The following KYNU variants were observed in gnomAD, a reference collection of about 807,000 sequenced individuals.
KYNU encodes kynureninase.
In KYNU, 54 loss-of-function variants were observed where a neutral mutation model predicts 59.2. The ratio of observed to expected loss-of-function variants is 0.91; its 90% confidence interval spans 0.73 to 1.14. The LOEUF is 1.14. Among genes scored for constraint, KYNU ranks in the 50% most tolerant of loss-of-function variants. KYNU has a pLI of 0.00. For missense variants in KYNU, 567 were observed against 554.4 expected, an observed-to-expected ratio of 1.02 and a Z score of -0.23; for synonymous variants, 177 against 192.0, an observed-to-expected ratio of 0.92 and a Z score of 0.65.
intron 10 of KYNU, among the ~76,000 whole-genome samples, chr2:142,993,197 A>G (rs1249146482): frequency 6.7e-6 from 1 of 149,652 alleles, no homozygotes; most frequent in Non-Finnish European, 1.5e-5. Context: ...TTAAGGGGAT[A>G]TAAAAAAGAA....
intron 8 of KYNU, among the ~76,000 whole-genome samples, chr2:142,970,425 AG>A (rs1255876946): frequency 2.0e-4 from 30 of 152,336 alleles, no homozygotes; most frequent in Non-Finnish European, 4.0e-4. Flanking sequence ...GTTGAGGAAT[AG>A]GCCATTCATG....
Position 143,048,828 on chromosome 2 carries a change from C to G in KYNU, c.*6656C>G. ...ATCTCATGCCAGTCAGAATGGCAATCATTAAAAAGTCAGGAAACAATAGAT... is the reference window on the plus strand; with the variant it reads ...ATCTCATGCCAGTCAGAATGGCAATGATTAAAAAGTCAGGAAACAATAGAT... On this transcript the variant is annotated 3_prime_UTR_variant, in exon 14 of 14. Transcript: ENST00000264170. 6.6e-6 allele frequency: 1 copy of G among 152,084 alleles called. No individual in the cohort carries two copies. Among genetic ancestry groups the G allele is most frequent in the Non-Finnish European group, 1.5e-5 (1 of 68,024 alleles). 9.4% of individuals were successfully genotyped at this position (152,084 alleles called of 1,614,324 possible).
chr2:142,957,969 G>GTTAATA (rs1390501917), intron 7 of KYNU: 5 of 390,810 alleles, frequency 1.3e-5, no homozygotes, highest in Admixed American at 1.3e-4. Context: ...ACTGGATTCT[G>GTTAATA]CCATATTCTT....
At chr2:142,984,852 C>A (rs1685154216) in intron 8 of KYNU, among the ~76,000 whole-genome samples, 1 of 151,898 alleles carries the variant, frequency 6.6e-6, no homozygotes, top group Non-Finnish European at 1.5e-5. Context: ...ATGCAAGTGT[C>A]AATTCAGCAA....
Position 143,040,099 on chromosome 2 carries a change from G to A in KYNU, c.1042-329G>A, listed in dbSNP as rs192297549. On this transcript the variant is annotated intron_variant, in intron 12 of 13. Coordinates refer to ENST00000264170, the MANE Select transcript of KYNU (RefSeq NM_003937.3). ...TTTTTAATATTTAATGTAACCACTC[G>A]GTCAGTACTGAAACAGTTGTGATGG... 1.2e-3 allele frequency among the ~76,000 whole-genome samples: 188 copies of A among 152,048 alleles called. 2 individuals are homozygous for A. In the South Asian group the frequency reaches 0.017, roughly 14 times the overall value.
rs16858206 is a variant in KYNU, at chr2:142,889,891, A to G, written c.169+4355A>G. Reference sequence around the variant, plus strand: ...TCCCAATATGAGATTTTTTTTTTTAATCTTGAAGAAAGTCTACAGGCATAG... The same window carrying G: ...TCCCAATATGAGATTTTTTTTTTTAGTCTTGAAGAAAGTCTACAGGCATAG... On this transcript the variant is annotated intron_variant, in intron 2 of 13. Coordinates refer to ENST00000264170, the MANE Select transcript of KYNU (RefSeq NM_003937.3). Among the ~76,000 whole-genome samples, 809 of 151,984 alleles carry G rather than the reference A, an allele frequency of 5.3e-3. 10 individuals carry two copies. Among genetic ancestry groups the G allele is most frequent in the African/African-American group, 0.019 (768 of 41,502 alleles).
intron 8 of KYNU, chr2:142,967,239 G>T (rs983415251): frequency 1.8e-4 from 28 of 152,250 alleles, no homozygotes; most frequent in African/African-American, 6.7e-4. Context: ...ATGAATGAAT[G>T]ATTCCCTTAA....
At chr2:142,948,007 A>G (rs549321238) in intron 4 of KYNU, 1 of 152,276 alleles carries the variant, frequency 6.6e-6, no homozygotes, top group East Asian at 1.9e-4. Flanking sequence ...TATTTTCTCA[A>G]TTGAAATGAC....
chr2:142,939,602 C>CAAAAAAAAAAAAAAA (rs71301737), intron 4 of KYNU, among the ~76,000 whole-genome samples: 27 of 65,048 alleles, frequency 4.2e-4, no homozygotes, highest in Non-Finnish European at 4.9e-4. Context: ...CTCCATCTCA[C>CAAAAAAAAAAAAAAA]AAAAAAAAAA....
chr2:142,934,326 G>T (rs1045215852), intron 4 of KYNU, among the ~76,000 whole-genome samples: 1 of 152,068 alleles, frequency 6.6e-6, no homozygotes, highest in Non-Finnish European at 1.5e-5. Flanking sequence ...TACGGATGGG[G>T]GATAAGGAAA....
intron 4 of KYNU, among the ~76,000 whole-genome samples, chr2:142,949,995 G>A (rs1302795035): frequency 2.0e-5 from 3 of 152,088 alleles, no homozygotes; most frequent in Non-Finnish European, 4.4e-5. Flanking sequence ...TCCCTCTCAA[G>A]TTCAAAGTTC....
chr2:143,023,756 T>G (rs1009665017), intron 10 of KYNU, among the ~76,000 whole-genome samples: 24 of 151,592 alleles, frequency 1.6e-4, no homozygotes, highest in African/African-American at 5.8e-4. Context: ...AAAGAAAAAT[T>G]TAAAACCTTA....
At chr2:142,927,611 A>G (rs1328530835) in intron 3 of KYNU, 48 bp from the exon 4 acceptor site, 1 of 1,272,350 alleles carries the variant, frequency 7.9e-7, no homozygotes, top group East Asian at 2.3e-5. Flanking sequence ...ATAATCACAC[A>G]CATGCACATA....
chr2:142,912,210 C>A (rs887070965), intron 2 of KYNU, among the ~76,000 whole-genome samples: 1 of 151,958 alleles, frequency 6.6e-6, no homozygotes, highest in Non-Finnish European at 1.5e-5. Context: ...GATTTTATGA[C>A]TGATTCAAGT....
At chr2:142,932,583 C>T (rs1187307832) in intron 4 of KYNU, among the ~76,000 whole-genome samples, 8 of 151,978 alleles carry the variant, frequency 5.3e-5, no homozygotes. Context: ...TAGGAAACCC[C>T]GTTTTTTCCA....
rs61229238 is a variant in KYNU, at chr2:143,047,852, C to CTTTTTTTTTTTTTTTTTTTTTT, written c.*5685_*5706dup. Reference sequence around the variant, plus strand: ...GGCATAAGCTGCCACTCCTGGACCTCTTTTTTTTTTTTTTTTTTTTTTTTT... The same window carrying CTTTTTTTTTTTTTTTTTTTTTT: ...GGCATAAGCTGCCACTCCTGGACCTCTTTTTTTTTTTTTTTTTTTTTTTTTTTTTTTTTTTTTTTTTTTTTTT... On this transcript the variant is annotated 3_prime_UTR_variant, in exon 14 of 14. Transcript: ENST00000264170. 13 of 100,336 alleles carry CTTTTTTTTTTTTTTTTTTTTTT rather than the reference C, an allele frequency of 1.3e-4. 6 individuals are homozygous for CTTTTTTTTTTTTTTTTTTTTTT. Among genetic ancestry groups the CTTTTTTTTTTTTTTTTTTTTTT allele is most frequent in the South Asian group, 6.4e-4 (2 of 3,136 alleles). 6.2% of individuals were successfully genotyped at this position (100,336 alleles called of 1,614,324 possible). A position where few individuals can be genotyped will look rare whatever the true frequency, so the allele number is the denominator to read the frequency against.
chr2:143,037,787 C>T (rs1037063488), intron 12 of KYNU, among the ~76,000 whole-genome samples: 3 of 151,840 alleles, frequency 2.0e-5, no homozygotes, highest in Admixed American at 6.6e-5. Flanking sequence ...TTATGAGAAG[C>T]AAAAAAGAAA....
chr2:142,892,181 G>A (rs1054876772), intron 2 of KYNU, among the ~76,000 whole-genome samples: 5 of 152,224 alleles, frequency 3.3e-5, no homozygotes, highest in Non-Finnish European at 7.3e-5. Flanking sequence ...CCAAAGTGTT[G>A]GGATTACAGG....
chr2:143,020,940 C>T (rs998285466), intron 10 of KYNU, among the ~76,000 whole-genome samples: 16 of 152,106 alleles, frequency 1.1e-4, no homozygotes, highest in Non-Finnish European at 2.4e-4. Context: ...CACAGTCACA[C>T]CAATAGAGTA....
Sources: gnomAD v4.1 joint callset for allele counts (sites outside exome capture counted in the v4.1 genomes callset) on GRCh38, gnomAD v4.1.1 for gene constraint, MANE v1.5 for transcripts, NCBI Gene and HGNC (gene_info 2026-07-23, HGNC 2026-07-21) for gene names.